The following SNAPC3 variants were observed in gnomAD, a reference collection of about 807,000 sequenced individuals.
SNAPC3 encodes small nuclear RNA activating complex polypeptide 3.
A neutral mutation model predicts 47.7 loss-of-function variants in SNAPC3; 56 were observed. That is an observed-to-expected ratio of 1.18 (90% CI 0.95 to 1.47). The LOEUF (loss-of-function observed/expected upper bound fraction) is 1.47. Among genes scored for constraint, SNAPC3 ranks in the 40% most tolerant of loss-of-function variants. The probability of loss-of-function intolerance (pLI) is 0.00; values close to 1 mark genes in which losing one functional copy is unlikely to be tolerated. For synonymous variants in SNAPC3, 235 were observed against 189.9 expected (o/e 1.24, Z -1.95); for missense variants, 665 against 511.3 (o/e 1.30, Z -2.90).
Position 15,422,954 on chromosome 9 carries a change from C to T in SNAPC3, c.75C>T (p.Gly25=). 1 of 1,535,608 alleles carries T rather than the reference C, an allele frequency of 6.5e-7. No homozygotes were observed. The highest frequency in any genetic ancestry group is 8.7e-7 in the Non-Finnish European group (1 of 1,146,050). The part of the protein sequence containing the change: ...GGRQDPVSGS[G]GCNFPEYELP... Reference sequence around the variant, plus strand: ...GGCAGGACCCAGTCTCCGGCAGTGGCGGCTGCAACTTTCCAGAGTATGAGC... The same window carrying T: ...GGCAGGACCCAGTCTCCGGCAGTGGTGGCTGCAACTTTCCAGAGTATGAGC... The change falls in exon 1 of 9, where the codon GGC becomes GGT. Residue 25 remains glycine, a synonymous_variant. Transcript: ENST00000380821.
chr9:15,464,903 G>C (rs1587442822), downstream of SNAPC3: 2 of 212,892 alleles, frequency 9.4e-6, no homozygotes, highest in East Asian at 7.1e-5. Context: ...TCAGTTCCAT[G>C]TCAGTTGCTT....
chr9:15,445,884 C>T (rs943672373), intron 4 of SNAPC3, among the ~76,000 whole-genome samples: 9 of 152,098 alleles, frequency 5.9e-5, no homozygotes, highest in Admixed American at 4.6e-4. Context: ...TGCAGTGAGC[C>T]AAGACCATGC....
chr9:15,452,965 T>A, intron 6 of SNAPC3, 76 bp from the exon 7 acceptor site: 2 of 1,221,464 alleles, frequency 1.6e-6, no homozygotes, highest in Non-Finnish European at 2.3e-6. Context: ...TGTGAATTAC[T>A]GCAATCACAA....
chr9:15,451,089 A>G (rs552064879), intron 5 of SNAPC3, among the ~76,000 whole-genome samples: 7 of 152,322 alleles, frequency 4.6e-5, no homozygotes, highest in Admixed American at 3.9e-4. Context: ...TAATAAAATA[A>G]TGATGTTTAT....
intron 1 of SNAPC3, 74 bp downstream of exon 1, chr9:15,423,267 G>T: frequency 7.1e-7 from 1 of 1,406,612 alleles, no homozygotes; most frequent in Admixed American, 2.8e-5. Flanking sequence ...GCTCCTCTGG[G>T]ACTCATCCCT....
intron 2 of SNAPC3, among the ~76,000 whole-genome samples, chr9:15,425,164 T>A (rs2031194149): frequency 6.6e-6 from 1 of 152,222 alleles, no homozygotes; most frequent in Non-Finnish European, 1.5e-5. Context: ...TTCAGATGGC[T>A]CAGGATGCAT....
At chr9:15,456,592 C>T (rs1458312498) in intron 7 of SNAPC3, among the ~76,000 whole-genome samples, 1 of 152,012 alleles carries the variant, frequency 6.6e-6, no homozygotes, top group Non-Finnish European at 1.5e-5. Context: ...CTCAGTCTTT[C>T]CCATAGCTGA....
At chr9:15,446,761 A>G (rs2033963725) in intron 4 of SNAPC3, among the ~76,000 whole-genome samples, 1 of 152,116 alleles carries the variant, frequency 6.6e-6, no homozygotes, top group Non-Finnish European at 1.5e-5. Context: ...AGTTCGAACA[A>G]TTCCAGTAGG....
intron 5 of SNAPC3, among the ~76,000 whole-genome samples, chr9:15,449,536 TA>T (rs1423940910): frequency 4.9e-4 from 18 of 36,508 alleles, no homozygotes; most frequent in African/African-American, 1.7e-3. Context: ...CTATTATTAT[TA>T]TATATATATA....
chr9:15,430,419 A>G (rs1587179900), intron 2 of SNAPC3, among the ~76,000 whole-genome samples: 2 of 152,306 alleles, frequency 1.3e-5, no homozygotes, highest in Non-Finnish European at 2.9e-5. Context: ...GCAACAGAAA[A>G]AGACCCTGTC....
At chr9:15,424,779 T>C (rs1409108788) in intron 2 of SNAPC3, among the ~76,000 whole-genome samples, 1 of 152,250 alleles carries the variant, frequency 6.6e-6, no homozygotes, top group Non-Finnish European at 1.5e-5. Context: ...TATTTCATAC[T>C]ACCTCAGCTA....
chr9:15,444,743 G>T lies in SNAPC3; in HGVS notation c.582+37G>T, dbSNP rs140870629. ...AACCTTTTGGATTTTATGGATAATA[G>T]TAACTTTTGTAAAAGTGTTTAATTA... On this transcript the variant is annotated intron_variant, in intron 4 of 8. Transcript: ENST00000380821. 3.7e-6 allele frequency: 4 copies of T among 1,073,698 alleles called. No individual in the cohort carries two copies. The East Asian group carries it at 9.5e-5, about 26-fold the overall frequency. The allele number at this position is 1,073,698 out of a possible 1,614,324, so 66.5% of individuals were successfully genotyped here.
At position 15,453,031 on chromosome 9, in the gene SNAPC3, C is replaced by A. The variant is rs200969359; in HGVS notation, c.816-10C>A. The A allele has an allele frequency of 1.3e-6, 2 of 1,595,034 alleles. No individual in the cohort carries two copies. Among genetic ancestry groups the A allele is most frequent in the South Asian group, 1.1e-5 (1 of 87,252 alleles). ...GAAAAATGATATATCCTTGCCTTTTCCCCCCTCAGAACTATCATTGAGTGG... is the reference window on the plus strand; with the variant it reads ...GAAAAATGATATATCCTTGCCTTTTACCCCCTCAGAACTATCATTGAGTGG... On this transcript the variant is annotated splice_polypyrimidine_tract_variant and intron_variant, in intron 6 of 8. Coordinates refer to ENST00000380821, the MANE Select transcript of SNAPC3 (RefSeq NM_001039697.2).
At chr9:15,457,613 G>A (rs1208890619) in intron 7 of SNAPC3, among the ~76,000 whole-genome samples, 5 of 151,906 alleles carry the variant, frequency 3.3e-5, no homozygotes, top group African/African-American at 4.8e-5. Flanking sequence ...AAAAATAAAA[G>A]GTACTAGTGT....
chr9:15,446,767 G>T (rs1249987440), intron 4 of SNAPC3, among the ~76,000 whole-genome samples: 2 of 152,166 alleles, frequency 1.3e-5, no homozygotes, highest in Non-Finnish European at 2.9e-5. Flanking sequence ...AACAATTCCA[G>T]TAGGTTTGGT....
At chr9:15,424,817 T>G (rs2031140845) in intron 2 of SNAPC3, among the ~76,000 whole-genome samples, 1 of 152,232 alleles carries the variant, frequency 6.6e-6, no homozygotes, top group African/African-American at 2.4e-5. Flanking sequence ...TCCTACGCTA[T>G]TATCCCCCTC....
At chr9:15,436,494 T>G (rs2032813838) in intron 3 of SNAPC3, among the ~76,000 whole-genome samples, 1 of 152,240 alleles carries the variant, frequency 6.6e-6, no homozygotes, top group African/African-American at 2.4e-5. Flanking sequence ...CATTGTTACA[T>G]TCTATCGGTC....
rs1478102397 is a variant in SNAPC3 at position 15,461,289 on chromosome 9, T to C, written c.*1423T>C. 1 of 152,136 alleles carries C rather than the reference T, an allele frequency of 6.6e-6. No homozygotes were observed. The highest frequency in any genetic ancestry group is 2.4e-5 in the African/African-American group (1 of 41,428). The allele number at this position is 152,136 out of a possible 1,614,324, so 9.4% of individuals were successfully genotyped here. On this transcript the variant is annotated 3_prime_UTR_variant, in exon 9 of 9. Coordinates refer to ENST00000380821, the MANE Select transcript of SNAPC3 (RefSeq NM_001039697.2). ...GATCCTCCCACCTCAGCCTACCGAG[T>C]AGCTGAGACATGGTGGCACAGGCCA...
At chr9:15,448,658 A>C (rs2034129295) in intron 5 of SNAPC3, among the ~76,000 whole-genome samples, 2 of 152,194 alleles carry the variant, frequency 1.3e-5, no homozygotes, top group South Asian at 4.1e-4. Flanking sequence ...GCTCACATGT[A>C]GATTTCACTT....
Sources: allele counts gnomAD v4.1 joint callset (sites outside exome capture counted in the v4.1 genomes callset), GRCh38; gene constraint gnomAD v4.1.1; transcripts MANE v1.5; gene names NCBI Gene and HGNC (gene_info 2026-07-23, HGNC 2026-07-21).